PIK3C2G: variants seen among roughly 807,000 people sequenced by gnomAD.
PIK3C2G encodes phosphatidylinositol-4-phosphate 3-kinase catalytic subunit type 2 gamma.
A neutral mutation model predicts 181.1 loss-of-function variants in PIK3C2G; 168 were observed. That is an observed-to-expected ratio of 0.93 (90% CI 0.82 to 1.05). The LOEUF (loss-of-function observed/expected upper bound fraction) is 1.05. Among genes scored for constraint, PIK3C2G ranks in the 50% least tolerant of loss-of-function variants. The pLI, the probability that PIK3C2G is intolerant of heterozygous loss-of-function variation, is 0.00. For missense variants in PIK3C2G, 1,869 were observed against 1,732.8 expected, an observed-to-expected ratio of 1.08 and a Z score of -1.40; for synonymous variants, 573 against 592.2, an observed-to-expected ratio of 0.97 and a Z score of 0.47.
At chr12:18,476,566 A>G (rs1199954869) in intron 18 of PIK3C2G, among the ~76,000 whole-genome samples, 1 of 152,146 alleles carries the variant, frequency 6.6e-6, no homozygotes, top group Non-Finnish European at 1.5e-5. Context: ...TGAAGGCCCC[A>G]GTTAAACTCT....
chr12:18,703,407 T>C, the PIK3C2G span, among the ~76,000 whole-genome samples: 1 of 152,242 alleles, frequency 6.6e-6, no homozygotes, highest in Non-Finnish European at 1.5e-5. Context: ...AAATTTATTA[T>C]GTCAGGGAGA....
intron 18 of PIK3C2G, among the ~76,000 whole-genome samples, chr12:18,471,208 A>G (rs1565758570): frequency 6.6e-6 from 1 of 152,104 alleles, no homozygotes; most frequent in Non-Finnish European, 1.5e-5. Context: ...GATGCTCCAG[A>G]AGGACCAGTT....
Position 18,488,568 on chromosome 12 carries a change from T to G in PIK3C2G, c.2624T>G (p.Leu875Arg). The G allele has an allele frequency of 6.3e-7, 1 of 1,577,176 alleles. No individual in the cohort carries two copies. The highest frequency in any genetic ancestry group is 8.6e-7 in the Non-Finnish European group (1 of 1,161,178). Residue 875 changes from leucine to arginine, a missense_variant, in exon 19 of 33, where the codon CTT becomes CGT. Leu to Arg is a moderately radical substitution (Grantham distance 102). Coordinates refer to ENST00000538779, the MANE Select transcript of PIK3C2G (RefSeq NM_001288772.2). ...LNDEFSKEQK[L>R]IKILGDIGER... ...GATGAGTTTTCCAAGGAGCAGAAAC[T>G]TATCAAAATTCTGGGAGATATTGGG...
At chr12:18,714,330 C>G in the PIK3C2G span, among the ~76,000 whole-genome samples, 1 of 152,140 alleles carries the variant, frequency 6.6e-6, no homozygotes, top group Non-Finnish European at 1.5e-5. Context: ...GCAACACTAA[C>G]ATAAGGCAAT....
the PIK3C2G span, chr12:18,685,542 G>A: frequency 2.6e-6 from 1 of 378,294 alleles, no homozygotes; most frequent in Non-Finnish European, 5.5e-6. Context: ...TGTTTTCTAT[G>A]GTTCACCTGT....
At chr12:18,430,249 C>T (rs377328060) in intron 18 of PIK3C2G, among the ~76,000 whole-genome samples, 1 of 152,184 alleles carries the variant, frequency 6.6e-6, no homozygotes, top group African/African-American at 2.4e-5. Flanking sequence ...AACAGTATTG[C>T]AGTCTTTCCC....
chr12:18,559,522 C>T (rs1444549514), intron 26 of PIK3C2G, among the ~76,000 whole-genome samples: 1 of 151,608 alleles, frequency 6.6e-6, no homozygotes, highest in Non-Finnish European at 1.5e-5. Flanking sequence ...ATTGGAAGTA[C>T]TTTTTGCATA....
chr12:18,488,482 TA>T lies in PIK3C2G; in HGVS notation c.2542del (p.Ser848AlafsTer7). The T allele has an allele frequency of 6.5e-7, 1 of 1,536,582 alleles. No individual in the cohort carries two copies. The highest frequency in any genetic ancestry group is 2.2e-5 in the Admixed American group (1 of 46,370). ...AAAATGCAGAAAATGAAGCTTATTT[TA>T]AAAGCTGGTATCAGAAGCTACTAGC... is the stretch of plus-strand genomic sequence containing the variant. ...LKNAENEAYF[K>X]SWYQKLLAAL... On this transcript the variant is annotated frameshift_variant, in exon 19 of 33. Transcript: ENST00000538779. LOFTEE classifies it high-confidence loss of function.
chr12:18,276,666 T>C (rs566774377), intron 1 of PIK3C2G, among the ~76,000 whole-genome samples: 1 of 152,190 alleles, frequency 6.6e-6, no homozygotes, highest in Non-Finnish European at 1.5e-5. Context: ...TACTGTAATA[T>C]AAATTTTTGT....
At chr12:18,455,879 C>T (rs546794203) in intron 18 of PIK3C2G, among the ~76,000 whole-genome samples, 1 of 152,258 alleles carries the variant, frequency 6.6e-6, no homozygotes, top group South Asian at 2.1e-4. Flanking sequence ...CAGTTGATAG[C>T]ATTCACGCAT....
chr12:18,420,104 T>A (rs1288025693), intron 16 of PIK3C2G, among the ~76,000 whole-genome samples: 1 of 152,148 alleles, frequency 6.6e-6, no homozygotes, highest in African/African-American at 2.4e-5. Context: ...TGTTAATTTT[T>A]TTCTAAAAAA....
chr12:18,371,207 AC>A lies in PIK3C2G; in HGVS notation c.1777del (p.Leu593PhefsTer9), dbSNP rs1378052648. On this transcript the variant is annotated frameshift_variant, in exon 13 of 33. Transcript: ENST00000538779. LOFTEE classifies it high-confidence loss of function. Reference sequence around the variant, plus strand: ...TCAATTTTCCCCTTGAAATAAAGTCACTTCCAAGGGAATCCATGCTCACTGT... The same window carrying A: ...TCAATTTTCCCCTTGAAATAAAGTCATTCCAAGGGAATCCATGCTCACTGT... Reference protein sequence around the residue: ...TINFPLEIKSLPRESMLTVKL... With the variant: ...TINFPLEIKSXPRESMLTVKL... 1.2e-6 allele frequency: 2 copies of A among 1,609,788 alleles called. No homozygotes were observed. The highest frequency in any genetic ancestry group is 1.7e-6 in the Non-Finnish European group (2 of 1,177,550).
the PIK3C2G span, among the ~76,000 whole-genome samples, chr12:18,663,929 T>C: frequency 1.3e-5 from 2 of 152,114 alleles, no homozygotes; most frequent in African/African-American, 4.8e-5. Context: ...GTTTAAGTAA[T>C]AGGCTATGGA....
chr12:18,687,322 G>C, the PIK3C2G span, among the ~76,000 whole-genome samples: 2 of 152,084 alleles, frequency 1.3e-5, no homozygotes, highest in Non-Finnish European at 2.9e-5. Context: ...ATTTGATCTG[G>C]AGCATATTTC....
intron 24 of PIK3C2G, among the ~76,000 whole-genome samples, chr12:18,515,420 G>C (rs939603950): frequency 6.6e-6 from 1 of 151,776 alleles, no homozygotes; most frequent in South Asian, 2.1e-4. Flanking sequence ...GTTTGTTCAG[G>C]TTTTCTATTT....
intron 31 of PIK3C2G, among the ~76,000 whole-genome samples, chr12:18,621,945 T>A (rs1309723188): frequency 1.3e-5 from 2 of 151,836 alleles, no homozygotes; most frequent in African/African-American, 4.8e-5. Context: ...AAATTATAAT[T>A]GTATATATGT....
At chr12:18,621,556 A>G (rs915965681) in intron 31 of PIK3C2G, among the ~76,000 whole-genome samples, 10 of 151,696 alleles carry the variant, frequency 6.6e-5, no homozygotes, top group Non-Finnish European at 1.2e-4. Context: ...ATATGTTATT[A>G]ACATACATGT....
chr12:18,498,305 T>C (rs1941175017), intron 22 of PIK3C2G, among the ~76,000 whole-genome samples: 2 of 152,230 alleles, frequency 1.3e-5, no homozygotes, highest in Admixed American at 1.3e-4. Context: ...AACATAATTA[T>C]ACTTATGCAC....
At chr12:18,370,252 A>T (rs1565645929) in intron 12 of PIK3C2G, among the ~76,000 whole-genome samples, 1 of 152,182 alleles carries the variant, frequency 6.6e-6, no homozygotes, top group Non-Finnish European at 1.5e-5. Flanking sequence ...CCAGTCTTAC[A>T]GTAGTATTTA....
Sources: gnomAD v4.1 joint callset for allele counts (sites outside exome capture counted in the v4.1 genomes callset) on GRCh38, gnomAD v4.1.1 for gene constraint, MANE v1.5 for transcripts, NCBI Gene and HGNC (gene_info 2026-07-23, HGNC 2026-07-21) for gene names.